The following SAMMSON variants were observed in gnomAD, a reference collection of about 807,000 sequenced individuals.
SAMMSON encodes long intergenic non-protein coding RNA 1212.
At chr3:70,327,819 A>G (rs1168382841) in intron 7 of SAMMSON, among the ~76,000 whole-genome samples, 1 of 152,220 alleles carries the variant, frequency 6.6e-6, no homozygotes, top group African/African-American at 2.4e-5. Context: ...AAAATTTTCC[A>G]AATAACACTG....
intron 3 of SAMMSON, among the ~76,000 whole-genome samples, chr3:70,018,141 A>G (rs566283591): frequency 1.3e-5 from 2 of 152,240 alleles, no homozygotes; most frequent in Non-Finnish European, 2.9e-5. Flanking sequence ...ATCAATTGGA[A>G]TAGTTTCAGA....
chr3:70,385,587 T>C (rs768995008), intron 9 of SAMMSON, among the ~76,000 whole-genome samples: 14 of 152,030 alleles, frequency 9.2e-5, no homozygotes, highest in African/African-American at 2.9e-4. Context: ...GTTGTCATGG[T>C]GTATAGCCCA....
At chr3:70,274,238 C>T (rs532872832) in intron 6 of SAMMSON, among the ~76,000 whole-genome samples, 1 of 152,010 alleles carries the variant, frequency 6.6e-6, no homozygotes, top group African/African-American at 2.4e-5. Flanking sequence ...TGTTTTAATA[C>T]TCTCAGTTAG....
intron 3 of SAMMSON, among the ~76,000 whole-genome samples, chr3:70,038,563 T>C (rs1042937052): frequency 6.6e-6 from 1 of 152,170 alleles, no homozygotes; most frequent in African/African-American, 2.4e-5. Context: ...TATCTTAACA[T>C]AATTTATACA....
intron 7 of SAMMSON, among the ~76,000 whole-genome samples, chr3:70,342,261 G>A (rs950880850): frequency 2.6e-5 from 4 of 152,168 alleles, no homozygotes; most frequent in South Asian, 2.1e-4. Flanking sequence ...GAGAGATCAC[G>A]TGGTGTCTAT....
At chr3:70,274,560 A>G (rs1702003870) in intron 6 of SAMMSON, among the ~76,000 whole-genome samples, 1 of 152,174 alleles carries the variant, frequency 6.6e-6, no homozygotes, top group African/African-American at 2.4e-5. Flanking sequence ...GCTCTCACTT[A>G]TAAGTGGGAG....
intron 9 of SAMMSON, among the ~76,000 whole-genome samples, chr3:70,363,396 C>T (rs73108518): frequency 0.29 from 43,845 of 151,744 alleles, 6,657 homozygotes; most frequent in Non-Finnish European, 0.31. Flanking sequence ...TGGTCCCCTT[C>T]GCTGACAACA....
At chr3:70,250,411 T>A (rs9310184) in intron 6 of SAMMSON, among the ~76,000 whole-genome samples, 6,329 of 124,876 alleles carry the variant, frequency 0.051, 258 homozygotes, top group African/African-American at 0.12. Context: ...TTAATGAATC[T>A]CACACACACA....
rs552935179 is a variant in SAMMSON, at chr3:70,008,623, C to T, written n.23-3734C>T. Among the ~76,000 whole-genome samples the T allele has an allele frequency of 2.0e-5, 3 of 152,188 alleles. No individual in the cohort carries two copies. The South Asian group carries it at 6.2e-4, about 32-fold the overall frequency. On this transcript the variant is annotated intron_variant and non_coding_transcript_variant, in intron 1 of 9. Transcript: ENST00000642114. ...ACTTCCTCTTTTCCTACTTGAATAC[C>T]CTTTATTTCTTTCTCCTTCCTGATT...
chr3:70,411,397 C>A (rs765809301), intron 2 of SAMMSON, among the ~76,000 whole-genome samples: 1 of 152,146 alleles, frequency 6.6e-6, no homozygotes, highest in Non-Finnish European at 1.5e-5. Flanking sequence ...AACTTTCATC[C>A]ACCTACAGCA....
intron 4 of SAMMSON, among the ~76,000 whole-genome samples, chr3:70,077,229 C>T (rs1310634908): frequency 1.3e-5 from 2 of 152,086 alleles, no homozygotes; most frequent in Non-Finnish European, 2.9e-5. Flanking sequence ...ACGATATCTG[C>T]TTTTCTTTTT....
chr3:70,180,376 T>A (rs549286583), intron 4 of SAMMSON, among the ~76,000 whole-genome samples: 16 of 152,236 alleles, frequency 1.1e-4, no homozygotes, highest in African/African-American at 3.6e-4. Context: ...ATTATAATCA[T>A]ATTGACAGTT....
chr3:70,151,377 GC>G (rs1243880893), intron 4 of SAMMSON, among the ~76,000 whole-genome samples: 1 of 152,028 alleles, frequency 6.6e-6, no homozygotes, highest in African/African-American at 2.4e-5. Flanking sequence ...AAAGCTGGAT[GC>G]TAGAAATGAT....
intron 4 of SAMMSON, among the ~76,000 whole-genome samples, chr3:70,175,313 T>C (rs1221855976): frequency 1.3e-5 from 2 of 152,088 alleles, no homozygotes; most frequent in African/African-American, 2.4e-5. Context: ...ACATATGTCC[T>C]TCCTTTCAGT....
intron 4 of SAMMSON, among the ~76,000 whole-genome samples, chr3:70,182,553 T>C (rs993064291): frequency 1.3e-5 from 2 of 152,140 alleles, no homozygotes; most frequent in African/African-American, 4.8e-5. Context: ...AAGGAATTGT[T>C]GGTCTGTTCA....
chr3:70,026,857 C>T (rs1042350138), intron 3 of SAMMSON, among the ~76,000 whole-genome samples: 18 of 152,106 alleles, frequency 1.2e-4, no homozygotes, highest in African/African-American at 4.3e-4. Context: ...TTCTTTTTCT[C>T]TTAGCATAAT....
intron 9 of SAMMSON, among the ~76,000 whole-genome samples, chr3:70,386,734 A>G (rs1377087295): frequency 1.3e-5 from 2 of 152,130 alleles, no homozygotes; most frequent in Non-Finnish European, 2.9e-5. Context: ...ACATGAGGGC[A>G]GTTTTATTTG....
intron 2 of SAMMSON, among the ~76,000 whole-genome samples, chr3:70,422,591 T>C (rs2106775158): frequency 6.6e-6 from 1 of 152,108 alleles, no homozygotes; most frequent in Admixed American, 6.5e-5. Context: ...TGTAAACATC[T>C]AAAAAAATTA....
At chr3:70,430,647 C>T (rs1167734869) in intron 2 of SAMMSON, among the ~76,000 whole-genome samples, 1 of 152,122 alleles carries the variant, frequency 6.6e-6, no homozygotes, top group Non-Finnish European at 1.5e-5. Flanking sequence ...TTTGAAATTA[C>T]TCGAAGAAGC....
Sources: allele counts gnomAD v4.1 joint callset (sites outside exome capture counted in the v4.1 genomes callset), GRCh38; gene constraint gnomAD v4.1.1; transcripts MANE v1.5; gene names NCBI Gene and HGNC (gene_info 2026-07-23, HGNC 2026-07-21).